The following INPP4B variants were observed in gnomAD, a reference collection of about 807,000 sequenced individuals.
INPP4B encodes the protein inositol polyphosphate-4-phosphatase type II B, also known as inositol polyphosphate 4-phosphatase type II.
In INPP4B, 55 loss-of-function variants were observed where a neutral mutation model predicts 122.5. The observed-to-expected ratio is 0.45, with a 90% CI of 0.36 to 0.56. The LOEUF is 0.56. INPP4B is among the 20% of genes least tolerant of loss of function. INPP4B has a pLI of 0.00. For missense variants in INPP4B, 1,000 were observed against 1,097.7 expected (o/e 0.91, Z 1.26); for synonymous variants, 403 against 388.7 (o/e 1.04, Z -0.43).
At chr4:142,769,037 G>T (rs1012061942) in intron 1 of INPP4B, among the ~76,000 whole-genome samples, 2 of 152,092 alleles carry the variant, frequency 1.3e-5, no homozygotes, top group African/African-American at 4.8e-5. Context: ...CTGGAAGAGT[G>T]GTAGTGAAGA....
intron 7 of INPP4B, among the ~76,000 whole-genome samples, chr4:142,372,872 C>T (rs997558018): frequency 6.6e-6 from 1 of 151,998 alleles, no homozygotes; most frequent in African/African-American, 2.4e-5. Context: ...TGCTGCCTTC[C>T]TAGTCTCACA....
At chr4:142,605,503 G>A in intron 2 of INPP4B, among the ~76,000 whole-genome samples, 1 of 151,990 alleles carries the variant, frequency 6.6e-6, no homozygotes, top group Admixed American at 6.6e-5. Flanking sequence ...TCTTGAATGA[G>A]AGAAAATATT....
At chr4:142,684,424 G>A (rs572935758) in intron 2 of INPP4B, among the ~76,000 whole-genome samples, 305 of 152,072 alleles carry the variant, frequency 2.0e-3, no homozygotes, top group Non-Finnish European at 3.6e-3. Flanking sequence ...CTGTGAATAC[G>A]AGAATATTCT....
At chr4:142,584,174 C>A (rs1735677486) in intron 2 of INPP4B, among the ~76,000 whole-genome samples, 1 of 151,768 alleles carries the variant, frequency 6.6e-6, no homozygotes, top group South Asian at 2.1e-4. Flanking sequence ...AATATATCTT[C>A]TTATTTTAGA....
intron 18 of INPP4B, among the ~76,000 whole-genome samples, chr4:142,144,503 A>T (rs1445431057): frequency 6.6e-6 from 1 of 152,060 alleles, no homozygotes; most frequent in Non-Finnish European, 1.5e-5. Context: ...AATTAAAGAA[A>T]ATTGAAGTAT....
At chr4:142,058,229 T>C (rs192668679) in intron 25 of INPP4B, among the ~76,000 whole-genome samples, 16 of 152,244 alleles carry the variant, frequency 1.1e-4, no homozygotes, top group African/African-American at 3.8e-4. Context: ...CAGAAGCTTA[T>C]GATCACAATA....
At chr4:142,133,009 C>T (rs138923575) in intron 18 of INPP4B, among the ~76,000 whole-genome samples, 274 of 152,290 alleles carry the variant, frequency 1.8e-3, no homozygotes, top group African/African-American at 6.2e-3. Context: ...CCAAAGCCAT[C>T]TCTTAGTCCT....
chr4:142,222,751 C>A (rs1278557993), intron 12 of INPP4B, among the ~76,000 whole-genome samples: 1 of 152,168 alleles, frequency 6.6e-6, no homozygotes, highest in East Asian at 1.9e-4. Context: ...GCCCTGTCTG[C>A]TCTTCTGTCC....
intron 17 of INPP4B, among the ~76,000 whole-genome samples, chr4:142,150,535 A>T (rs559444551): frequency 6.6e-6 from 1 of 152,276 alleles, no homozygotes; most frequent in Admixed American, 6.5e-5. Context: ...CTTTCACAAC[A>T]ACCCTACTCC....
At chr4:142,594,954 CA>C (rs70949177) in intron 2 of INPP4B, among the ~76,000 whole-genome samples, 8,232 of 58,282 alleles carry the variant, frequency 0.14, 104 homozygotes, top group South Asian at 0.17. Flanking sequence ...GACTCTGTCT[CA>C]AAAAAAAAAA....
chr4:142,789,035 C>T (rs953387709), intron 1 of INPP4B, among the ~76,000 whole-genome samples: 2 of 152,060 alleles, frequency 1.3e-5, no homozygotes, highest in Non-Finnish European at 2.9e-5. Context: ...AATCCAGCAT[C>T]GCTTTAGATT....
At chr4:142,613,532 G>T (rs987061781) in intron 2 of INPP4B, among the ~76,000 whole-genome samples, 4 of 152,096 alleles carry the variant, frequency 2.6e-5, no homozygotes, top group African/African-American at 9.7e-5. Flanking sequence ...TGTAGCTATG[G>T]CTACAGATCC....
chr4:142,563,131 G>T lies in INPP4B; in HGVS notation c.-190-100405C>A, dbSNP rs143893152. Among the ~76,000 whole-genome samples, 683 of 152,300 alleles carry T rather than the reference G, an allele frequency of 4.5e-3. 1 individual carries two copies. The highest frequency in any genetic ancestry group is 7.2e-3 in the Non-Finnish European group (492 of 68,038). ...CTTTTACAAAGAAAATAGGTCAACT[G>T]ATATGACAGAATGAAAGCAGGATTT... On this transcript the variant is annotated intron_variant, in intron 2 of 25. Transcript: ENST00000262992.
At chr4:142,334,412 C>T (rs372683830) in intron 7 of INPP4B, among the ~76,000 whole-genome samples, 2 of 152,148 alleles carry the variant, frequency 1.3e-5, no homozygotes, top group Non-Finnish European at 1.5e-5. Context: ...CTGCAATGAA[C>T]ATGGGCATGA....
chr4:142,515,914 G>A (rs915820011), intron 2 of INPP4B, among the ~76,000 whole-genome samples: 1 of 152,184 alleles, frequency 6.6e-6, no homozygotes, highest in Non-Finnish European at 1.5e-5. Flanking sequence ...CCATGAAAAG[G>A]CATTGTTCTA....
At chr4:142,591,703 C>A (rs777587323) in intron 2 of INPP4B, among the ~76,000 whole-genome samples, 2 of 152,054 alleles carry the variant, frequency 1.3e-5, no homozygotes, top group Non-Finnish European at 2.9e-5. Flanking sequence ...TCCTCAACAG[C>A]GCTAAGTAAT....
At position 142,842,436 on chromosome 4, in the gene INPP4B, G is replaced by A. The variant is rs115599934; in HGVS notation, c.-254+3773C>T. Among the ~76,000 whole-genome samples the A allele has an allele frequency of 2.0e-3, 298 of 148,696 alleles. 2 individuals carry two copies. Among genetic ancestry groups the A allele is most frequent in the African/African-American group, 7.1e-3 (289 of 40,602 alleles). ...TCCTAGATATTCCATTGGCCTTATG[G>A]TATACCATTGATAGCAAGATACTTC... On this transcript the variant is annotated intron_variant, in intron 1 of 25. Coordinates refer to ENST00000262992, the MANE Select transcript of INPP4B (RefSeq NM_001101669.3).
intron 23 of INPP4B, among the ~76,000 whole-genome samples, chr4:142,089,363 C>A (rs1039617701): frequency 2.7e-5 from 4 of 150,752 alleles, no homozygotes; most frequent in Admixed American, 2.0e-4. Flanking sequence ...TGATACATAA[C>A]AATGCAATTT....
chr4:142,448,741 G>A (rs1813487435), intron 3 of INPP4B, among the ~76,000 whole-genome samples: 1 of 152,092 alleles, frequency 6.6e-6, no homozygotes, highest in Admixed American at 6.6e-5. Flanking sequence ...TCAGAATTTT[G>A]CAACCAGGTC....
Sources: allele counts gnomAD v4.1 joint callset (sites outside exome capture counted in the v4.1 genomes callset), GRCh38; gene constraint gnomAD v4.1.1; transcripts MANE v1.5; gene names NCBI Gene and HGNC (gene_info 2026-07-23, HGNC 2026-07-21).